HS3ST4: variants seen among roughly 807,000 people sequenced by gnomAD.
HS3ST4 encodes heparan sulfate glucosamine 3-O-sulfotransferase 4.
In HS3ST4, 17 loss-of-function variants were observed where a neutral mutation model predicts 29.2. The ratio of observed to expected loss-of-function variants is 0.58; its 90% CI spans 0.40 to 0.87. The LOEUF (loss-of-function observed/expected upper bound fraction) is 0.87. Ranked by LOEUF, HS3ST4 falls within the 40% of genes least tolerant of loss-of-function variation. The pLI is 0.00. For missense variants in HS3ST4, 627 were observed against 634.5 expected, an observed-to-expected ratio of 0.99 and a Z score of 0.13; for synonymous variants, 314 against 285.7, an observed-to-expected ratio of 1.10 and a Z score of -1.00.
intron 1 of HS3ST4, among the ~76,000 whole-genome samples, chr16:25,808,387 G>A (rs1394196271): frequency 6.6e-6 from 1 of 152,168 alleles, no homozygotes; most frequent in Non-Finnish European, 1.5e-5. Flanking sequence ...TTAAAAGGCT[G>A]TGTTTCTTTT....
intron 1 of HS3ST4, among the ~76,000 whole-genome samples, chr16:25,762,540 G>T (rs1966794590): frequency 6.6e-6 from 1 of 152,064 alleles, no homozygotes; most frequent in South Asian, 2.1e-4. Context: ...GCAAAAGCCA[G>T]GGGGAAGCTG....
intron 1 of HS3ST4, among the ~76,000 whole-genome samples, chr16:25,796,631 C>T (rs758068042): frequency 2.0e-5 from 3 of 152,060 alleles, no homozygotes; most frequent in Non-Finnish European, 4.4e-5. Context: ...TGGCTTTGCT[C>T]GGGAAGGAAT....
At chr16:25,953,117 A>G (rs1968697282) in intron 1 of HS3ST4, among the ~76,000 whole-genome samples, 1 of 152,186 alleles carries the variant, frequency 6.6e-6, no homozygotes, top group African/African-American at 2.4e-5. Flanking sequence ...GCATCCTGGC[A>G]CAGTTTGATG....
At position 25,956,085 on chromosome 16, in the gene HS3ST4, G is replaced by T. The variant is rs138142043; in HGVS notation, c.735-179527G>T. On this transcript the variant is annotated intron_variant, in intron 1 of 1. Transcript: ENST00000331351. Reference sequence around the variant, plus strand: ...CTGGCCTCAGCCTCCCAAAGTGCTGGGATTACGGGTGTGAGCCACCATGCC... The same window carrying T: ...CTGGCCTCAGCCTCCCAAAGTGCTGTGATTACGGGTGTGAGCCACCATGCC... Among the ~76,000 whole-genome samples the T allele has an allele frequency of 1.3e-3, 201 of 152,192 alleles. 1 individual carries two copies. Among genetic ancestry groups the T allele is most frequent in the African/African-American group, 4.8e-3 (198 of 41,534 alleles).
intron 1 of HS3ST4, among the ~76,000 whole-genome samples, chr16:25,753,111 G>C (rs1018154785): frequency 3.9e-5 from 6 of 152,198 alleles, no homozygotes; most frequent in Non-Finnish European, 5.9e-5. Context: ...CTGCCAAGGG[G>C]AAGTCAGTCT....
At chr16:25,857,948 C>CTTTCTTTCTTTCTTTATTTATTTA (rs1555469182) in intron 1 of HS3ST4, among the ~76,000 whole-genome samples, 1 of 57,104 alleles carries the variant, frequency 1.8e-5, no homozygotes, top group Non-Finnish European at 3.4e-5. Context: ...TTCTTTCTTT[C>CTTTCTTTCTTTCTTTATTTATTTA]TTTCTTTCTT....
chr16:26,090,646 C>T (rs886188542), intron 1 of HS3ST4, among the ~76,000 whole-genome samples: 5 of 151,906 alleles, frequency 3.3e-5, no homozygotes, highest in African/African-American at 1.2e-4. Flanking sequence ...ACCCTCGGGG[C>T]CCATGTAGAA....
chr16:25,724,822 T>G lies in HS3ST4; in HGVS notation c.734+31671T>G, dbSNP rs185548201. ...TTGTGAATTAAAACAATGAGTTTGT[T>G]GAGTTCGTGGACATTTTAAAATTTA... On this transcript the variant is annotated intron_variant, in intron 1 of 1. Coordinates refer to ENST00000331351, the MANE Select transcript of HS3ST4 (RefSeq NM_006040.3). Among the ~76,000 whole-genome samples, 420 of 152,282 alleles carry G rather than the reference T, an allele frequency of 2.8e-3. 1 individual carries two copies. Among genetic ancestry groups the G allele is most frequent in the African/African-American group, 9.9e-3 (413 of 41,550 alleles).
chr16:25,948,330 C>T (rs1968649823), intron 1 of HS3ST4, among the ~76,000 whole-genome samples: 1 of 151,968 alleles, frequency 6.6e-6, no homozygotes, highest in Non-Finnish European at 1.5e-5. Context: ...GGGACAAAAA[C>T]TAGTTATATG....
At chr16:25,710,808 C>CTTTTTTTTTT (rs34759495) in intron 1 of HS3ST4, among the ~76,000 whole-genome samples, 9 of 48,520 alleles carry the variant, frequency 1.9e-4, no homozygotes, top group East Asian at 8.1e-4. Flanking sequence ...GCATATTATC[C>CTTTTTTTTTT]TTTTTTTTTT....
intron 1 of HS3ST4, among the ~76,000 whole-genome samples, chr16:26,107,351 A>G (rs989037263): frequency 2.0e-5 from 3 of 149,510 alleles, no homozygotes; most frequent in Admixed American, 2.0e-4. Context: ...TTGGCATACA[A>G]ACACACACAC....
chr16:25,886,900 T>C (rs1967960041), intron 1 of HS3ST4: 1 of 152,252 alleles, frequency 6.6e-6, no homozygotes, highest in Non-Finnish European at 1.5e-5. Flanking sequence ...TGACTGTTTG[T>C]CCTTTGCTCT....
chr16:25,897,810 AG>A (rs998344624), intron 1 of HS3ST4, among the ~76,000 whole-genome samples: 22 of 152,100 alleles, frequency 1.4e-4, no homozygotes, highest in African/African-American at 5.3e-4. Context: ...CTTTAGAGCA[AG>A]GTTTCAAATC....
chr16:25,704,521 A>G, intron 1 of HS3ST4, among the ~76,000 whole-genome samples: 1 of 152,104 alleles, frequency 6.6e-6, no homozygotes. Flanking sequence ...GTACAGTGGC[A>G]TGATCATAGC....
At chr16:25,872,648 CT>C (rs1431825710) in intron 1 of HS3ST4, among the ~76,000 whole-genome samples, 1 of 152,202 alleles carries the variant, frequency 6.6e-6, no homozygotes, top group Non-Finnish European at 1.5e-5. Flanking sequence ...AGAGCTAGCC[CT>C]AAAATGCAAG....
intron 1 of HS3ST4, among the ~76,000 whole-genome samples, chr16:25,894,336 A>G (rs549720517): frequency 1.3e-5 from 2 of 152,270 alleles, no homozygotes; most frequent in Non-Finnish European, 2.9e-5. Context: ...ATATAGGCAA[A>G]GAAGTCACTA....
chr16:25,985,802 C>G (rs1263676453), intron 1 of HS3ST4, among the ~76,000 whole-genome samples: 1 of 152,146 alleles, frequency 6.6e-6, no homozygotes, highest in African/African-American at 2.4e-5. Flanking sequence ...CCTCCCACCT[C>G]TGCCTCTCAA....
At chr16:25,875,029 C>T (rs1186701603) in intron 1 of HS3ST4, among the ~76,000 whole-genome samples, 1 of 152,134 alleles carries the variant, frequency 6.6e-6, no homozygotes, top group African/African-American at 2.4e-5. Context: ...CGTTGTAGTT[C>T]CTTTGTAGTG....
At chr16:26,117,592 T>G (rs1899217130) in intron 1 of HS3ST4, among the ~76,000 whole-genome samples, 2 of 152,222 alleles carry the variant, frequency 1.3e-5, no homozygotes, top group South Asian at 4.1e-4. Flanking sequence ...CAGCCAGGGC[T>G]AAGAGTATGC....
Sources: allele counts gnomAD v4.1 joint callset (sites outside exome capture counted in the v4.1 genomes callset), GRCh38; gene constraint gnomAD v4.1.1; transcripts MANE v1.5; gene names NCBI Gene and HGNC (gene_info 2026-07-23, HGNC 2026-07-21).